Variants in PSMB7 observed in about 807,000 individuals in gnomAD.
The protein encoded by PSMB7 is proteasome subunit beta type-7.
In PSMB7, 5 loss-of-function variants were observed where a neutral mutation model predicts 28.1. The ratio of observed to expected loss-of-function variants is 0.18; its 90% CI spans 0.09 to 0.37. The LOEUF (loss-of-function observed/expected upper bound fraction) is 0.37, where lower values mean the gene tolerates loss of function less well. PSMB7 is among the 10% of genes least tolerant of loss of function. PSMB7 has a pLI of 1.00. For synonymous variants in PSMB7, 122 were observed against 123.7 expected (o/e 0.99, Z 0.09); for missense variants, 275 against 346.2 (o/e 0.79, Z 1.63).
At chr9:124,414,362 C>T (rs921935779) in intron 2 of PSMB7, among the ~76,000 whole-genome samples, 3 of 152,164 alleles carry the variant, frequency 2.0e-5, no homozygotes, top group Non-Finnish European at 2.9e-5. Context: ...AAACATGTTG[C>T]TTTTCTTTAA....
intron 7 of PSMB7, among the ~76,000 whole-genome samples, chr9:124,354,253 G>A (rs1830374425): frequency 6.6e-6 from 1 of 152,194 alleles, no homozygotes; most frequent in Non-Finnish European, 1.5e-5. Flanking sequence ...TCCCTTTCAG[G>A]GACACAGTGG....
At chr9:124,399,407 G>A (rs909360042) in intron 5 of PSMB7, among the ~76,000 whole-genome samples, 2 of 152,154 alleles carry the variant, frequency 1.3e-5, no homozygotes, top group Non-Finnish European at 2.9e-5. Context: ...TGCTAACTCC[G>A]CCAGGGGCAG....
chr9:124,364,245 G>A (rs1830487686), intron 6 of PSMB7, among the ~76,000 whole-genome samples: 1 of 152,174 alleles, frequency 6.6e-6, no homozygotes, highest in African/African-American at 2.4e-5. Context: ...GCACAAGGCT[G>A]TGTACAAGCA....
chr9:124,386,520 A>C (rs1009427402), intron 5 of PSMB7, among the ~76,000 whole-genome samples: 4 of 152,246 alleles, frequency 2.6e-5, no homozygotes, highest in Non-Finnish European at 4.4e-5. Flanking sequence ...GCAACTGCAA[A>C]TGAAGAATCT....
intron 6 of PSMB7, among the ~76,000 whole-genome samples, chr9:124,358,901 C>A (rs188763730): frequency 2.4e-4 from 37 of 152,334 alleles, no homozygotes; most frequent in African/African-American, 6.7e-4. Flanking sequence ...CCCAAATGAT[C>A]TGGGTAGATG....
intron 6 of PSMB7, among the ~76,000 whole-genome samples, chr9:124,379,817 A>G (rs767155737): frequency 3.9e-5 from 6 of 152,226 alleles, no homozygotes; most frequent in Non-Finnish European, 8.8e-5. Context: ...GTTACCTTGA[A>G]AAGATGTTCA....
At chr9:124,397,590 T>C (rs961654252) in intron 5 of PSMB7, among the ~76,000 whole-genome samples, 8 of 152,348 alleles carry the variant, frequency 5.3e-5, no homozygotes, top group Admixed American at 5.2e-4. Context: ...TCTGGTTAAT[T>C]TATAGCTTCC....
At chr9:124,396,835 T>A (rs1439088824) in intron 5 of PSMB7, 1 of 470,480 alleles carries the variant, frequency 2.1e-6, no homozygotes, top group Non-Finnish European at 4.4e-6. Context: ...TCAGCTTGCC[T>A]AATAAAGAAA....
At chr9:124,410,058 G>C (rs1831012713) in intron 4 of PSMB7, among the ~76,000 whole-genome samples, 1 of 149,270 alleles carries the variant, frequency 6.7e-6, no homozygotes, top group African/African-American at 2.5e-5. Context: ...ACCCAGGCTG[G>C]AGTACAGTGG....
At chr9:124,360,790 A>G (rs1830458205) in intron 6 of PSMB7, among the ~76,000 whole-genome samples, 1 of 152,228 alleles carries the variant, frequency 6.6e-6, no homozygotes, top group African/African-American at 2.4e-5. Context: ...CACCTCTCTG[A>G]GTTTACTCTC....
In PSMB7 at chr9:124,356,370, TACACCC is replaced by T. The variant is rs1830406945; in HGVS notation, c.722+388_722+393del. On this transcript the variant is annotated intron_variant, in intron 7 of 7. Coordinates refer to ENST00000259457, the MANE Select transcript of PSMB7 (RefSeq NM_002799.4). The surrounding 1 kb of genome is among the most constrained non-coding windows in gnomAD (Gnocchi z 4.4). ...TGGGAGGCTGTTAGCATTGCTGACT[TACACCC>T]AGTTAGGAATCTCGGGGCACTCTGA... Among the ~76,000 whole-genome samples the T allele has an allele frequency of 2.0e-5, 3 of 152,282 alleles. No homozygotes were observed.
chr9:124,403,404 A>G (rs1830931260), intron 5 of PSMB7, among the ~76,000 whole-genome samples: 1 of 152,134 alleles, frequency 6.6e-6, no homozygotes, highest in South Asian at 2.1e-4. Flanking sequence ...ATATGGCTGT[A>G]GTCACAGCTA....
intron 6 of PSMB7, among the ~76,000 whole-genome samples, chr9:124,371,601 G>A (rs1196538194): frequency 6.6e-6 from 1 of 152,062 alleles, no homozygotes; most frequent in Admixed American, 6.6e-5. Context: ...TCTTGGCTTG[G>A]CTCAAGTAAC....
chr9:124,369,163 T>A (rs911574861), intron 6 of PSMB7, among the ~76,000 whole-genome samples: 3 of 152,228 alleles, frequency 2.0e-5, no homozygotes, highest in African/African-American at 7.2e-5. Context: ...CAAATATTTT[T>A]AAAAATCTGT....
intron 5 of PSMB7, 140 bp downstream of exon 5, chr9:124,405,177 T>C (rs1359788218): frequency 8.3e-6 from 5 of 602,646 alleles, no homozygotes; most frequent in Admixed American, 3.1e-5. Flanking sequence ...TAATCTATAG[T>C]AGGAACTCAG....
intron 6 of PSMB7, among the ~76,000 whole-genome samples, chr9:124,374,731 G>A (rs528880744): frequency 6.6e-6 from 1 of 152,274 alleles, no homozygotes; most frequent in East Asian, 1.9e-4. Flanking sequence ...GGCTCAGGCA[G>A]GAGGATCCCT....
chr9:124,358,362 G>T (rs1298512088), intron 6 of PSMB7, among the ~76,000 whole-genome samples: 1 of 152,200 alleles, frequency 6.6e-6, no homozygotes, highest in African/African-American at 2.4e-5. Flanking sequence ...GCAGATAGGG[G>T]TTCCTTTGAT....
At chr9:124,397,421 T>G (rs1360236218) in intron 5 of PSMB7, among the ~76,000 whole-genome samples, 1 of 152,220 alleles carries the variant, frequency 6.6e-6, no homozygotes, top group Non-Finnish European at 1.5e-5. Context: ...GTCCTGCTCC[T>G]GGACCCAGCG....
chr9:124,373,184 G>A (rs1006281596), intron 6 of PSMB7, among the ~76,000 whole-genome samples: 7 of 152,114 alleles, frequency 4.6e-5, no homozygotes, highest in African/African-American at 1.4e-4. Context: ...GTGATTTTCC[G>A]AATCACCCAC....
Sources: allele counts gnomAD v4.1 joint callset (sites outside exome capture counted in the v4.1 genomes callset), GRCh38; gene constraint gnomAD v4.1.1; non-coding constraint Gnocchi (gnomAD v3.1); transcripts MANE v1.5; gene names NCBI Gene and HGNC (gene_info 2026-07-23, HGNC 2026-07-21).